CCAR1: variants seen among roughly 807,000 people sequenced by gnomAD.
The protein encoded by CCAR1 is cell division cycle and apoptosis regulator 1.
In CCAR1, 78 loss-of-function variants were observed where a neutral mutation model predicts 163.8. The observed-to-expected ratio is 0.48, with a 90% CI of 0.40 to 0.57. CCAR1 has a LOEUF of 0.57. CCAR1 is among the 20% of genes least tolerant of loss of function. The probability of loss-of-function intolerance (pLI) is 0.00; values close to 1 mark genes in which losing one functional copy is unlikely to be tolerated. For synonymous variants in CCAR1, 443 were observed against 460.7 expected (o/e 0.96, Z 0.49); for missense variants, 1,019 against 1,365.2 (o/e 0.75, Z 4.00).
At chr10:68,777,216 T>A (rs1036585964) in intron 19 of CCAR1, among the ~76,000 whole-genome samples, 40 of 152,346 alleles carry the variant, frequency 2.6e-4, no homozygotes, top group Non-Finnish European at 4.1e-4. Flanking sequence ...CCACATTATC[T>A]CTTGCCTAGA....
intron 2 of CCAR1, among the ~76,000 whole-genome samples, chr10:68,728,147 T>G (rs995281394): frequency 1.3e-5 from 2 of 152,114 alleles, no homozygotes; most frequent in African/African-American, 4.8e-5. Context: ...TTAGATCAAT[T>G]ATTGATTATA....
chr10:68,755,902 A>G (rs1212313054), intron 13 of CCAR1, among the ~76,000 whole-genome samples: 3 of 152,184 alleles, frequency 2.0e-5, no homozygotes, highest in Non-Finnish European at 4.4e-5. Context: ...ATTTTTGTTC[A>G]GCCATATTTT....
At chr10:68,781,520 A>T (rs1053799640) in intron 19 of CCAR1, among the ~76,000 whole-genome samples, 12 of 152,134 alleles carry the variant, frequency 7.9e-5, no homozygotes, top group Non-Finnish European at 1.8e-4. Flanking sequence ...AGCCTGGGCA[A>T]CAGAGCAAGA....
At chr10:68,788,485 T>A (rs1467025536) in intron 23 of CCAR1, among the ~76,000 whole-genome samples, 157 bp downstream of exon 23, 1 of 152,120 alleles carries the variant, frequency 6.6e-6, no homozygotes, top group East Asian at 1.9e-4. Context: ...TTAAAATTTT[T>A]TATTATTTAT....
intron 16 of CCAR1, among the ~76,000 whole-genome samples, chr10:68,763,852 C>T (rs543543544): frequency 6.6e-6 from 1 of 152,268 alleles, no homozygotes; most frequent in East Asian, 1.9e-4. Context: ...TTGAGGACTT[C>T]TTTACTTACT....
intron 2 of CCAR1, among the ~76,000 whole-genome samples, chr10:68,724,261 G>A (rs2055907564): frequency 6.6e-6 from 1 of 151,916 alleles, no homozygotes; most frequent in African/African-American, 2.4e-5. Flanking sequence ...TCAGGAGTTC[G>A]GAGACCAGCC....
chr10:68,758,693 T>A (rs6480365), intron 15 of CCAR1, among the ~76,000 whole-genome samples: 16 of 124,474 alleles, frequency 1.3e-4, no homozygotes, highest in South Asian at 7.3e-4. Flanking sequence ...ATATATATTT[T>A]TTTTTTTGAG....
At chr10:68,779,582 G>A (rs1454882705) in intron 19 of CCAR1, among the ~76,000 whole-genome samples, 1 of 152,208 alleles carries the variant, frequency 6.6e-6, no homozygotes, top group East Asian at 1.9e-4. Flanking sequence ...TCAAGTTAAT[G>A]AAAATTAAAT....
intron 19 of CCAR1, among the ~76,000 whole-genome samples, chr10:68,779,120 G>T (rs969208329): frequency 1.3e-5 from 2 of 151,672 alleles, no homozygotes; most frequent in African/African-American, 4.8e-5. Flanking sequence ...TGGGATTACA[G>T]GCGTGAGCCA....
At chr10:68,752,871 T>G (rs557949775) in intron 10 of CCAR1, among the ~76,000 whole-genome samples, 131 of 148,720 alleles carry the variant, frequency 8.8e-4, no homozygotes, top group African/African-American at 3.2e-3. Context: ...ATTCTGCCTG[T>G]AGATAGGATA....
Position 68,789,764 on chromosome 10 carries a change from G to T in CCAR1, c.3242G>T (p.Gly1081Val), listed in dbSNP as rs201766936. 4 of 1,604,794 alleles carry T rather than the reference G, an allele frequency of 2.5e-6. No homozygotes were observed. The highest frequency in any genetic ancestry group is 3.4e-6 in the Non-Finnish European group (4 of 1,176,712). The change falls in exon 24 of 25, where the codon GGT becomes GTT. Residue 1081 changes from glycine to valine, a missense_variant. Physicochemically the swap from Gly to Val is moderately radical, Grantham distance 109. Coordinates refer to ENST00000265872, the MANE Select transcript of CCAR1 (RefSeq NM_018237.4). The part of the protein sequence containing the change: ...NLENSNKSLS[G>V]ELREVKKDLS... ...GAGAATTCCAACAAAAGCCTCTCTG[G>T]TGAACTCAGAGAAGTTAAAAAGGAC...
At chr10:68,755,621 C>T in intron 13 of CCAR1, 85 bp downstream of exon 13, 1 of 1,167,304 alleles carries the variant, frequency 8.6e-7, no homozygotes, top group Non-Finnish European at 1.2e-6. Flanking sequence ...TTCCCCCCGG[C>T]TTATTTTAGC....
At chr10:68,758,644 CGT>C (rs1426492648) in intron 15 of CCAR1, among the ~76,000 whole-genome samples, 1 of 11,922 alleles carries the variant, frequency 8.4e-5, no homozygotes, top group Non-Finnish European at 2.4e-4. Context: ...TATATACACA[CGT>C]GTATATATAT....
chr10:68,782,599 G>GT (rs1490922325), intron 19 of CCAR1, among the ~76,000 whole-genome samples: 2 of 152,108 alleles, frequency 1.3e-5, no homozygotes, highest in Non-Finnish European at 2.9e-5. Flanking sequence ...TGGCTTCAAA[G>GT]GACAAGTTGA....
intron 5 of CCAR1, among the ~76,000 whole-genome samples, chr10:68,741,508 A>G (rs1024412843): frequency 3.9e-5 from 6 of 152,212 alleles, no homozygotes; most frequent in African/African-American, 1.4e-4. Flanking sequence ...AAAAGAGCCT[A>G]TAGGCTGTCT....
chr10:68,785,205 C>T (rs564248352), intron 19 of CCAR1, among the ~76,000 whole-genome samples: 2 of 151,832 alleles, frequency 1.3e-5, no homozygotes, highest in East Asian at 3.9e-4. Flanking sequence ...GCGTGAGGCA[C>T]CGCACCCGGC....
At chr10:68,746,117 C>T (rs1394926200) in intron 6 of CCAR1, among the ~76,000 whole-genome samples, 1 of 150,720 alleles carries the variant, frequency 6.6e-6, no homozygotes, top group Non-Finnish European at 1.5e-5. Context: ...GGATCACAGG[C>T]TCCTGCCACC....
At chr10:68,759,071 G>T (rs902138701) in intron 15 of CCAR1, among the ~76,000 whole-genome samples, 5 of 151,862 alleles carry the variant, frequency 3.3e-5, no homozygotes, top group Non-Finnish European at 7.4e-5. Context: ...TAAAAGTTAC[G>T]ATCACTTCAA....
Position 68,740,676 on chromosome 10 carries a change from C to CT in CCAR1, c.324+18dup. ...TCTTAACACAGGTTAGTTGGTATTACTTTATTTGTTTTGGATGTCTGAATG... is the reference window on the plus strand; with the variant it reads ...TCTTAACACAGGTTAGTTGGTATTACTTTTATTTGTTTTGGATGTCTGAATG... On this transcript the variant is annotated intron_variant, in intron 5 of 24. Transcript: ENST00000265872. 3 of 1,600,214 alleles carry CT rather than the reference C, an allele frequency of 1.9e-6. No homozygotes were observed. The African/African-American group carries it at 4.0e-5, about 21-fold the overall frequency.
Sources: allele counts gnomAD v4.1 joint callset (sites outside exome capture counted in the v4.1 genomes callset), GRCh38; gene constraint gnomAD v4.1.1; transcripts MANE v1.5; gene names NCBI Gene and HGNC (gene_info 2026-07-23, HGNC 2026-07-21).